KCTD16: variants seen among roughly 807,000 people sequenced by gnomAD.
KCTD16 encodes the protein BTB/POZ domain-containing protein KCTD16.
Under a neutral mutation model 33.2 loss-of-function variants are expected in KCTD16, and 13 were observed. The observed-to-expected ratio is 0.39, with a 90% CI of 0.25 to 0.62. The LOEUF (loss-of-function observed/expected upper bound fraction) is 0.62. Ranked by LOEUF, KCTD16 falls within the 20% of genes least tolerant of loss-of-function variation. The probability of loss-of-function intolerance (pLI) is 0.50; values close to 1 mark genes in which losing one functional copy is unlikely to be tolerated. For synonymous variants in KCTD16, 197 were observed against 195.3 expected (o/e 1.01, Z -0.07); for missense variants, 441 against 525.1 (o/e 0.84, Z 1.57).
intron 3 of KCTD16, among the ~76,000 whole-genome samples, chr5:144,300,874 A>G (rs1347173718): frequency 2.0e-5 from 3 of 152,208 alleles, no homozygotes; most frequent in African/African-American, 7.2e-5. Flanking sequence ...ACCATGCTCA[A>G]GAAATGGCAG....
intron 3 of KCTD16, among the ~76,000 whole-genome samples, chr5:144,274,085 G>A (rs187717000): frequency 6.6e-6 from 1 of 151,050 alleles, no homozygotes; most frequent in South Asian, 2.1e-4. Context: ...TAAGAAAAAG[G>A]TTAAAATAAT....
chr5:144,235,568 G>T lies in KCTD16; in HGVS notation c.832+28022G>T, dbSNP rs76183548. ...TTGACAGCAGCTACCTTATGGAGTT[G>T]CTGAGAAGGTTAAATGAAATAATGA... On this transcript the variant is annotated intron_variant, in intron 3 of 3. Coordinates refer to ENST00000512467, the MANE Select transcript of KCTD16 (RefSeq NM_020768.4). Among the ~76,000 whole-genome samples, 603 of 152,220 alleles carry T rather than the reference G, an allele frequency of 4.0e-3. 6 individuals are homozygous for T. The highest frequency in any genetic ancestry group is 0.014 in the African/African-American group (587 of 41,536).
chr5:144,342,417 A>G (rs951937920), intron 3 of KCTD16, among the ~76,000 whole-genome samples: 1 of 152,162 alleles, frequency 6.6e-6, no homozygotes. Context: ...ATTTTTGTAC[A>G]TTGATTTTGT....
chr5:144,311,905 A>C (rs1751775242), intron 3 of KCTD16, among the ~76,000 whole-genome samples: 1 of 152,164 alleles, frequency 6.6e-6, no homozygotes. Flanking sequence ...AAGTTAATGA[A>C]TATTCTGGAG....
intron 3 of KCTD16, among the ~76,000 whole-genome samples, chr5:144,383,545 GA>G (rs36080142): frequency 0.76 from 110,184 of 145,530 alleles, 41,447 homozygotes; most frequent in South Asian, 0.89. Flanking sequence ...GAGGGTGAAG[GA>G]AAAAAAAAAA....
intron 3 of KCTD16, among the ~76,000 whole-genome samples, chr5:144,344,871 C>T (rs1182841540): frequency 3.3e-5 from 5 of 151,342 alleles, no homozygotes; most frequent in Non-Finnish European, 5.9e-5. Flanking sequence ...ACCCAAAGGA[C>T]TATAAATCAT....
At chr5:144,411,970 A>G (rs970917523) in intron 3 of KCTD16, among the ~76,000 whole-genome samples, 4 of 152,182 alleles carry the variant, frequency 2.6e-5, no homozygotes, top group Admixed American at 6.5e-5. Context: ...CAAAACTACA[A>G]TGAGTATCAT....
chr5:144,319,287 G>T (rs1752011427), intron 3 of KCTD16, among the ~76,000 whole-genome samples: 1 of 152,108 alleles, frequency 6.6e-6, no homozygotes, highest in Admixed American at 6.6e-5. Context: ...AGAAACTAAA[G>T]AATAGAAAAT....
At chr5:144,249,865 TAA>T (rs1457035812) in intron 3 of KCTD16, among the ~76,000 whole-genome samples, 9 of 152,268 alleles carry the variant, frequency 5.9e-5, no homozygotes, top group African/African-American at 2.2e-4. Flanking sequence ...TCTTTCCAAA[TAA>T]CATGCTAGGT....
intron 3 of KCTD16, among the ~76,000 whole-genome samples, chr5:144,358,565 G>T (rs1751627910): frequency 6.6e-6 from 1 of 152,164 alleles, no homozygotes; most frequent in South Asian, 2.1e-4. Context: ...CTAAATGTCT[G>T]CTCCTCTTCC....
At chr5:144,370,086 G>A (rs985511153) in intron 3 of KCTD16, among the ~76,000 whole-genome samples, 11 of 152,028 alleles carry the variant, frequency 7.2e-5, no homozygotes, top group African/African-American at 2.7e-4. Context: ...TGTGGGTGCT[G>A]GGAATCTGGG....
At chr5:144,460,634 G>T (rs1333545379) in intron 3 of KCTD16, among the ~76,000 whole-genome samples, 1 of 152,136 alleles carries the variant, frequency 6.6e-6, no homozygotes, top group African/African-American at 2.4e-5. Context: ...TAGAGATGGG[G>T]TTTCACCATG....
At chr5:144,387,272 C>T (rs895483594) in intron 3 of KCTD16, among the ~76,000 whole-genome samples, 2 of 151,910 alleles carry the variant, frequency 1.3e-5, no homozygotes, top group Non-Finnish European at 2.9e-5. Flanking sequence ...CCACTGTGCC[C>T]GACCCAAAGC....
At chr5:144,455,703 G>A (rs985209234) in intron 3 of KCTD16, among the ~76,000 whole-genome samples, 3 of 152,200 alleles carry the variant, frequency 2.0e-5, no homozygotes, top group East Asian at 1.9e-4. Flanking sequence ...GTGGAGGAAT[G>A]TTTCCAGGCA....
rs887771201 is a variant in KCTD16, at chr5:144,477,570, T to A, written c.*3456T>A. On this transcript the variant is annotated 3_prime_UTR_variant, in exon 4 of 4. Transcript: ENST00000512467. Reference sequence around the variant, plus strand: ...GCTTGTTCTGGGCCCCATTACTGCCTGCGCTTCTGGATTACTTTTGCTTTC... The same window carrying A: ...GCTTGTTCTGGGCCCCATTACTGCCAGCGCTTCTGGATTACTTTTGCTTTC... The A allele has an allele frequency of 6.6e-6, 1 of 152,140 alleles. No individual in the cohort carries two copies. Among genetic ancestry groups the A allele is most frequent in the African/African-American group, 2.4e-5 (1 of 41,450 alleles). The allele number at this position is 152,140 out of a possible 1,614,324, so 9.4% of individuals were successfully genotyped here.
intron 3 of KCTD16, among the ~76,000 whole-genome samples, chr5:144,310,805 C>T (rs1751744670): frequency 6.6e-6 from 1 of 151,942 alleles, no homozygotes; most frequent in Non-Finnish European, 1.5e-5. Context: ...AGGAAAATTA[C>T]CCAAACTGAA....
At chr5:144,229,729 T>C (rs1754041966) in intron 3 of KCTD16, among the ~76,000 whole-genome samples, 2 of 152,170 alleles carry the variant, frequency 1.3e-5, no homozygotes, top group African/African-American at 2.4e-5. Flanking sequence ...ATGTATGGTA[T>C]GTTCTGCTGC....
chr5:144,322,181 T>C (rs1314784069), intron 3 of KCTD16, among the ~76,000 whole-genome samples: 1 of 152,042 alleles, frequency 6.6e-6, no homozygotes, highest in Non-Finnish European at 1.5e-5. Flanking sequence ...TGCTCCTTAT[T>C]TAGATTATGA....
chr5:144,214,716 G>A (rs1753506681), intron 3 of KCTD16, among the ~76,000 whole-genome samples: 1 of 152,150 alleles, frequency 6.6e-6, no homozygotes, highest in Non-Finnish European at 1.5e-5. Flanking sequence ...CTTCTGGGAA[G>A]ACTTTCCTAG....
Sources: allele counts gnomAD v4.1 joint callset (sites outside exome capture counted in the v4.1 genomes callset), GRCh38; gene constraint gnomAD v4.1.1; transcripts MANE v1.5; gene names NCBI Gene and HGNC (gene_info 2026-07-23, HGNC 2026-07-21).